The following ABCA2 variants were observed in gnomAD, a reference collection of about 807,000 sequenced individuals.
The protein encoded by ABCA2 is ATP binding cassette subfamily A member 2.
In ABCA2, 84 loss-of-function variants were observed where a neutral mutation model predicts 262.8. That is an observed-to-expected ratio of 0.32 (90% CI 0.27 to 0.38). ABCA2 has a LOEUF of 0.38. Among genes scored for constraint, ABCA2 ranks in the 10% least tolerant of loss-of-function variants. The pLI is 1.00. For missense variants in ABCA2, 2,662 were observed against 3,405.9 expected (o/e 0.78, Z 5.44); for synonymous variants, 1,696 against 1,502.9 (o/e 1.13, Z -2.97).
rs2131439977 is a variant in ABCA2, at chr9:137,013,333, AGT to A, written c.4551-17_4551-16del. ...ATAGCCGCAGCCTGCGGGCACCGACAGTGTGAGGTGGGGCTGCCAGTCTCCGC... is the reference window on the plus strand; with the variant it reads ...ATAGCCGCAGCCTGCGGGCACCGACAGTGAGGTGGGGCTGCCAGTCTCCGC... On this transcript the variant is annotated splice_polypyrimidine_tract_variant and intron_variant, in intron 29 of 48. Coordinates refer to ENST00000341511, the MANE Select transcript of ABCA2 (RefSeq NM_001606.5). 6.5e-7 allele frequency: 1 copy of A among 1,533,082 alleles called. No homozygotes were observed. Among genetic ancestry groups the A allele is most frequent in the East Asian group, 2.4e-5 (1 of 41,368 alleles). 95.0% of individuals were successfully genotyped at this position (1,533,082 alleles called of 1,614,324 possible). A position where few individuals can be genotyped will look rare whatever the true frequency, so the allele number is the denominator to read the frequency against.
intron 10 of ABCA2, 81 bp downstream of exon 10, chr9:137,020,255 C>T: frequency 1.3e-6 from 2 of 1,584,140 alleles, no homozygotes; most frequent in Non-Finnish European, 1.7e-6. Flanking sequence ...TCTGCCGACA[C>T]CCTCTGCCCA....
chr9:137,016,319 G>A lies in ABCA2; in HGVS notation c.3076C>T (p.His1026Tyr). The change falls in exon 21 of 49, where the codon CAC (histidine) becomes TAC (tyrosine). Residue 1026 changes from histidine to tyrosine, a missense_variant. By Grantham distance (83) the His-to-Tyr change is moderately conservative. Around this residue, in one of 12 missense-constraint regions of ABCA2, gnomAD observed 180 missense variants for 307.3 expected, o/e 0.59. Transcript: ENST00000341511. ...YENQVVSFLG[H>Y]NGAGKTTTMS... ...GTGGTGGTCTTGCCCGCCCCGTTGT[G>A]GCCCAAGAAGGAGACCACCTGGTTC... 1.2e-6 allele frequency: 2 copies of A among 1,612,792 alleles called. No individual in the cohort carries two copies. The highest frequency in any genetic ancestry group is 1.7e-6 in the Non-Finnish European group (2 of 1,179,952).
chr9:137,008,268 G>A, intron 48 of ABCA2, 148 bp downstream of exon 48: 2 of 950,728 alleles, frequency 2.1e-6, no homozygotes, highest in Middle Eastern at 4.1e-4. Flanking sequence ...CTATCTGCAA[G>A]TGTCCCTCGC....
intron 46 of ABCA2, 39 bp from the exon 47 acceptor site, chr9:137,008,907 C>A (rs375127084): frequency 3.8e-6 from 6 of 1,590,394 alleles, no homozygotes; most frequent in South Asian, 2.2e-5. Context: ...AGCGCCCCCC[C>A]ACCCCGTAGC....
At chr9:137,024,046 G>A (rs368444863) in intron 2 of ABCA2, 97 bp downstream of exon 2, 24 of 1,514,678 alleles carry the variant, frequency 1.6e-5, no homozygotes, top group East Asian at 4.9e-5. Flanking sequence ...CAGGGACTCC[G>A]GGAGCAGGAC....
In ABCA2 at chr9:137,019,321, G is replaced by A; in HGVS notation, c.1426-15C>T. 3 of 1,611,838 alleles carry A rather than the reference G, an allele frequency of 1.9e-6. No homozygotes were observed. The East Asian group carries it at 6.7e-5, about 36-fold the overall frequency. ...GTCTCGTTGGCCTGCAGGGGGTGAG[G>A]CAGGGGCATGGAGTTTCTGGACGGA... On this transcript the variant is annotated splice_polypyrimidine_tract_variant and intron_variant, in intron 10 of 48. Coordinates refer to ENST00000341511, the MANE Select transcript of ABCA2 (RefSeq NM_001606.5). The surrounding 1 kb of genome is among the most constrained non-coding windows in gnomAD (Gnocchi z 4.4).
Position 137,016,601 on chromosome 9 carries a change from C to T in ABCA2, c.2896G>A (p.Ala966Thr), listed in dbSNP as rs772275080. 12 of 1,612,208 alleles carry T rather than the reference C, an allele frequency of 7.4e-6. No individual in the cohort carries two copies. The highest frequency in any genetic ancestry group is 1.1e-5 in the South Asian group (1 of 91,074). Residue 966 changes from alanine to threonine, a missense_variant, in exon 20 of 49, where the codon GCC (alanine) becomes ACC (threonine). Around this residue, in one of 12 missense-constraint regions of ABCA2, gnomAD observed 133 missense variants for 150.8 expected, o/e 0.88. Coordinates refer to ENST00000341511, the MANE Select transcript of ABCA2 (RefSeq NM_001606.5). ...PRLSVMEEDQ[A>T]CAMESRRFEE... ...AAGCGCCGGCTCTCCATGGCACAGG[C>T]CTGGTCCTCCTCCATGACACTGAGG...
In ABCA2 at chr9:137,008,766, C is replaced by G. The variant is rs1830922916; in HGVS notation, c.7033G>C (p.Glu2345Gln). 1 of 1,592,196 alleles carries G rather than the reference C, an allele frequency of 6.3e-7. No individual in the cohort carries two copies. Among genetic ancestry groups the G allele is most frequent in the Non-Finnish European group, 8.5e-7 (1 of 1,171,016 alleles). ...MEQVSGVLGI[E>Q]DYSVSQTTLD... ...GTGGTCTGGCTGACCGAGTAGTCCT[C>G]GATGCCCAGCACGCCAGACACCTGC... The change falls in exon 47 of 49, where the codon GAG (glutamate) becomes CAG (glutamine). Residue 2345 changes from glutamate (E) to glutamine (Q), a missense_variant. Transcript: ENST00000341511.
intron 28 of ABCA2, 126 bp from the exon 29 acceptor site, chr9:137,013,689 T>A: frequency 7.5e-7 from 1 of 1,336,024 alleles, no homozygotes. Context: ...GAGACAGGAC[T>A]CCCGGATGAA....
At position 137,015,888 on chromosome 9, in the gene ABCA2, G is replaced by C. The variant is rs1268731217; in HGVS notation, c.3318-17C>G. On this transcript the variant is annotated splice_polypyrimidine_tract_variant and intron_variant, in intron 22 of 48. Transcript: ENST00000341511. ...TCGATCATCCTGGGACAGGGAGGTG[G>C]GGCATGGGGCTGCTGCTATGCAGAG... 2 of 1,607,406 alleles carry C rather than the reference G, an allele frequency of 1.2e-6. No homozygotes were observed. The highest frequency in any genetic ancestry group is 2.7e-5 in the African/African-American group (2 of 74,818).
At position 137,021,693 on chromosome 9, in the gene ABCA2, C is replaced by A; in HGVS notation, c.679-83G>T. 7.0e-7 allele frequency: 1 copy of A among 1,432,788 alleles called. No homozygotes were observed. The highest frequency in any genetic ancestry group is 9.5e-7 in the Non-Finnish European group (1 of 1,057,718). 88.8% of individuals were successfully genotyped at this position (1,432,788 alleles called of 1,614,324 possible). A position where few individuals can be genotyped will look rare whatever the true frequency, so the allele number is the denominator to read the frequency against. On this transcript the variant is annotated intron_variant, in intron 7 of 48. Coordinates refer to ENST00000341511, the MANE Select transcript of ABCA2 (RefSeq NM_001606.5). The surrounding 1 kb of genome is among the most constrained non-coding windows in gnomAD (Gnocchi z 6.0). ...GGGCCTCAGGCCTCACCCTGCCCCACCCACTGGCTGGCTCTGGGGCTGCCT... is the reference window on the plus strand; with the variant it reads ...GGGCCTCAGGCCTCACCCTGCCCCAACCACTGGCTGGCTCTGGGGCTGCCT...
chr9:137,028,437 G>T, upstream of ABCA2: 1 of 347,476 alleles, frequency 2.9e-6, no homozygotes, highest in Non-Finnish European at 4.0e-6. This position sits in a 1 kb window ranked among gnomAD's most constrained non-coding sequence, Gnocchi z 6.9. Flanking sequence ...GCCGCCGCCG[G>T]GAAGCCTCCG....
In ABCA2 at chr9:137,008,445, C is replaced by T. The variant is rs776403376; in HGVS notation, c.7246G>A (p.Glu2416Lys). ...TCCTCCTCGAAGCTGATGAGGCCCT[C>T]GTCCTCCGTGTCCAGGTCCTCGGGC... ...DEPEDLDTEDEGLISFEEERA... is the reference protein window; with the variant it reads ...DEPEDLDTEDKGLISFEEERA... The change falls in exon 48 of 49, where the codon GAG (glutamate) becomes AAG (lysine). Residue 2416 changes from glutamate (E) to lysine (K), a missense_variant. Glu to Lys is a moderately conservative substitution (Grantham distance 56). Around this residue, in one of 12 missense-constraint regions of ABCA2, gnomAD observed 212 missense variants for 214.4 expected, o/e 0.99. Transcript: ENST00000341511. The T allele has an allele frequency of 5.1e-6, 8 of 1,554,548 alleles. No homozygotes were observed. The highest frequency in any genetic ancestry group is 2.4e-5 in the East Asian group (1 of 41,348).
chr9:137,020,319 G>A lies in ABCA2; in HGVS notation c.1425+17C>T, dbSNP rs202085596. The A allele has an allele frequency of 1.7e-5, 28 of 1,611,106 alleles. No homozygotes were observed. The highest frequency in any genetic ancestry group is 8.9e-5 in the East Asian group (4 of 44,888). On this transcript the variant is annotated intron_variant, in intron 10 of 48. Coordinates refer to ENST00000341511, the MANE Select transcript of ABCA2 (RefSeq NM_001606.5). ...CCACTCTGCCTGTCAAACATGGAGC[G>A]TCCCAGACCCGTGCACCTTGAGGAT... is the stretch of plus-strand genomic sequence containing the variant.
chr9:137,017,657 G>A lies in ABCA2; in HGVS notation c.2247C>T (p.His749=). The part of the protein sequence containing the change: ...MKTMGLNNAV[H]WVAWFITGFV... ...AGCCGGTGATGAACCAGGCCACCCA[G>A]TGCACCGCGTTGTTCAGGCCCATGG... Residue 749 remains histidine (H), a synonymous_variant, in exon 17 of 49, where the codon CAC becomes CAT. Transcript: ENST00000341511. 1 of 1,612,408 alleles carries A rather than the reference G, an allele frequency of 6.2e-7. No individual in the cohort carries two copies. The highest frequency in any genetic ancestry group is 1.7e-5 in the Admixed American group (1 of 60,020).
chr9:137,021,826 C>T lies in ABCA2; in HGVS notation c.678+65G>A, dbSNP rs1236425324. ...ACCAAAGGGGCCCTTTCCTCACCCA[C>T]GGAGCAGAAGCACCCCCAGAGGCAG... On this transcript the variant is annotated intron_variant, in intron 7 of 48. Transcript: ENST00000341511. The surrounding 1 kb of genome is among the most constrained non-coding windows in gnomAD (Gnocchi z 6.0). 9 of 1,448,266 alleles carry T rather than the reference C, an allele frequency of 6.2e-6. No individual in the cohort carries two copies. Among genetic ancestry groups the T allele is most frequent in the South Asian group, 3.6e-5 (3 of 82,218 alleles). The allele number at this position is 1,448,266 out of a possible 1,614,324, so 89.7% of individuals were successfully genotyped here.
At chr9:137,008,667 G>T in intron 47 of ABCA2, 45 bp from the exon 48 acceptor site, 1 of 1,565,006 alleles carries the variant, frequency 6.4e-7, no homozygotes, top group Non-Finnish European at 8.7e-7. Flanking sequence ...GGTCTGGGGT[G>T]AGGAGGGGCA....
chr9:137,009,429 C>T lies in ABCA2; in HGVS notation c.6768G>A (p.Leu2256=). 1.2e-6 allele frequency: 2 copies of T among 1,609,194 alleles called. No individual in the cohort carries two copies. The highest frequency in any genetic ancestry group is 1.3e-5 in the African/African-American group (1 of 74,916). Residue 2256 remains leucine, a synonymous_variant, in exon 45 of 49, where the codon CTG becomes CTA. Transcript: ENST00000341511. ...GCAGGCGACCGTTCACCATGATGGCCAGCCGCGTGCACAGCGCCTCGCACT... is the reference window on the plus strand; with the variant it reads ...GCAGGCGACCGTTCACCATGATGGCTAGCCGCGTGCACAGCGCCTCGCACT... ...MEECEALCTR[L]AIMVNGRLRC...
Position 137,019,952 on chromosome 9 carries a change from C to T in ABCA2, c.1425+384G>A. 4.1e-6 allele frequency: 1 copy of T among 244,246 alleles called. No homozygotes were observed. The highest frequency in any genetic ancestry group is 8.1e-6 in the Non-Finnish European group (1 of 123,216). The allele number at this position is 244,246 out of a possible 1,614,324, so 15.1% of individuals were successfully genotyped here. On this transcript the variant is annotated intron_variant, in intron 10 of 48. Coordinates refer to ENST00000341511, the MANE Select transcript of ABCA2 (RefSeq NM_001606.5). The surrounding 1 kb of genome is among the most constrained non-coding windows in gnomAD (Gnocchi z 4.4). ...CGTCCACAGGCCCTCCCCTCCCAGGCCAATGTCCAGCCCTGGCCTCTGCTT... is the reference window on the plus strand; with the variant it reads ...CGTCCACAGGCCCTCCCCTCCCAGGTCAATGTCCAGCCCTGGCCTCTGCTT...
Sources: allele counts gnomAD v4.1 joint callset, GRCh38; gene constraint gnomAD v4.1.1; regional missense constraint gnomAD v4.1.1; non-coding constraint Gnocchi (gnomAD v3.1); transcripts MANE v1.5; gene names NCBI Gene and HGNC (gene_info 2026-07-23, HGNC 2026-07-21).